Variants in CADPS2 observed in about 807,000 individuals in gnomAD.
The protein encoded by CADPS2 is calcium dependent secretion activator 2.
A neutral mutation model predicts 172.5 loss-of-function variants in CADPS2; 93 were observed. The observed-to-expected ratio is 0.54, with a 90% CI of 0.46 to 0.64. CADPS2 has a LOEUF of 0.64. Ranked by LOEUF, CADPS2 falls within the 30% of genes least tolerant of loss-of-function variation. The pLI is 0.00. For missense variants in CADPS2, 1,420 were observed against 1,565.9 expected (o/e 0.91, Z 1.57); for synonymous variants, 546 against 555.2 (o/e 0.98, Z 0.23).
intron 2 of CADPS2, among the ~76,000 whole-genome samples, chr7:122,717,150 AT>A (rs949548908): frequency 1.2e-4 from 18 of 152,168 alleles, no homozygotes; most frequent in African/African-American, 2.9e-4. Flanking sequence ...CCTACAGCTT[AT>A]TTTCAACATA....
chr7:122,634,437 AG>A (rs1333911307), intron 3 of CADPS2, among the ~76,000 whole-genome samples: 17 of 152,276 alleles, frequency 1.1e-4, no homozygotes, highest in Non-Finnish European at 1.9e-4. Flanking sequence ...CATTTCCTCC[AG>A]ATTTTCTATG....
intron 28 of CADPS2, among the ~76,000 whole-genome samples, chr7:122,328,077 C>T (rs1394273639): frequency 1.3e-5 from 2 of 150,960 alleles, no homozygotes; most frequent in East Asian, 3.9e-4. Context: ...CTAAGAATAG[C>T]CTAACAACAA....
At chr7:122,833,928 T>C (rs1488002803) in intron 1 of CADPS2, among the ~76,000 whole-genome samples, 2 of 152,102 alleles carry the variant, frequency 1.3e-5, no homozygotes, top group Admixed American at 6.5e-5. Flanking sequence ...GCTATAAGAA[T>C]TCAAAAAATA....
intron 11 of CADPS2, among the ~76,000 whole-genome samples, chr7:122,481,282 C>T (rs201237790): frequency 6.6e-6 from 1 of 150,852 alleles, no homozygotes; most frequent in Non-Finnish European, 1.5e-5. Context: ...CAGAGGTCTG[C>T]CCTGATTTAA....
intron 22 of CADPS2, among the ~76,000 whole-genome samples, chr7:122,391,014 G>C (rs1445149258): frequency 6.6e-6 from 1 of 151,832 alleles, no homozygotes; most frequent in Non-Finnish European, 1.5e-5. Flanking sequence ...TGGTAGGCAG[G>C]GATGTATCTT....
At chr7:122,669,759 C>T (rs1400632339) in intron 2 of CADPS2, among the ~76,000 whole-genome samples, 2 of 152,074 alleles carry the variant, frequency 1.3e-5, no homozygotes, top group African/African-American at 4.8e-5. Context: ...AACCATCAAC[C>T]TTTAATCACT....
At chr7:122,709,738 T>C (rs1278931425) in intron 2 of CADPS2, among the ~76,000 whole-genome samples, 2 of 152,062 alleles carry the variant, frequency 1.3e-5, no homozygotes, top group Non-Finnish European at 2.9e-5. Context: ...TAAAAAATGA[T>C]GAGTTCACGT....
intron 9 of CADPS2, among the ~76,000 whole-genome samples, chr7:122,507,794 T>G (rs1413304182): frequency 6.6e-6 from 1 of 152,136 alleles, no homozygotes; most frequent in Admixed American, 6.6e-5. Flanking sequence ...TCAACTAGTA[T>G]GGTGGTGGAG....
chr7:122,627,703 T>C (rs1486673698), intron 4 of CADPS2, among the ~76,000 whole-genome samples: 1 of 152,164 alleles, frequency 6.6e-6, no homozygotes, highest in Admixed American at 6.5e-5. Context: ...CAGTCTCAGG[T>C]ACAATCTATA....
chr7:122,814,720 G>C (rs936946323), intron 1 of CADPS2, among the ~76,000 whole-genome samples: 1 of 151,970 alleles, frequency 6.6e-6, no homozygotes, highest in Non-Finnish European at 1.5e-5. Context: ...TACAAAAAAA[G>C]ATTTGCTAAC....
chr7:122,801,308 T>A (rs1463778744), intron 1 of CADPS2, among the ~76,000 whole-genome samples: 1 of 152,146 alleles, frequency 6.6e-6, no homozygotes, highest in African/African-American at 2.4e-5. Context: ...TACTAATGTT[T>A]ATACCAGATA....
rs1158368955 is a variant in CADPS2, at chr7:122,640,847, T to C, written c.787-11519A>G. On this transcript the variant is annotated intron_variant, in intron 3 of 29. Coordinates refer to ENST00000449022, the MANE Select transcript of CADPS2 (RefSeq NM_017954.11). ...TACTCTGGAGGCTGAGGCAGAAGAA[T>C]GGCGTGAACCCGGGAGGTGGAGTTT... is the stretch of plus-strand genomic sequence containing the variant. 3.3e-5 allele frequency among the ~76,000 whole-genome samples: 5 copies of C among 150,048 alleles called. No individual in the cohort carries two copies. The East Asian group carries it at 9.8e-4, about 30-fold the overall frequency.
chr7:122,374,375 A>AT (rs968859397), intron 25 of CADPS2, among the ~76,000 whole-genome samples: 17 of 152,148 alleles, frequency 1.1e-4, no homozygotes, highest in African/African-American at 3.6e-4. Flanking sequence ...TCTATTCAAC[A>AT]TAGTACTGGG....
intron 1 of CADPS2, among the ~76,000 whole-genome samples, chr7:122,878,974 ACTTGCAAT>A (rs1563237147): frequency 6.6e-6 from 1 of 152,114 alleles, no homozygotes; most frequent in Non-Finnish European, 1.5e-5. Context: ...CTTGACTCAC[ACTTGCAAT>A]CCCAGCTTTT....
intron 2 of CADPS2, among the ~76,000 whole-genome samples, chr7:122,734,685 T>C (rs1035415421): frequency 1.3e-5 from 2 of 151,930 alleles, no homozygotes; most frequent in African/African-American, 4.8e-5. Context: ...GGGAAAAAAA[T>C]TGAGAAGCAA....
At chr7:122,438,600 G>T in intron 16 of CADPS2, 136 bp from the exon 17 acceptor site, 1 of 1,017,842 alleles carries the variant, frequency 9.8e-7, no homozygotes, top group Non-Finnish European at 1.4e-6. Context: ...TTATTAGGGA[G>T]AGGGGTCCTA....
chr7:122,381,135 A>G lies in CADPS2; in HGVS notation c.3313-1693T>C, dbSNP rs959778940. Among the ~76,000 whole-genome samples, 26 of 152,150 alleles carry G rather than the reference A, an allele frequency of 1.7e-4. No individual in the cohort carries two copies. The South Asian group carries it at 4.8e-3, about 28-fold the overall frequency. On this transcript the variant is annotated intron_variant, in intron 24 of 29. Coordinates refer to ENST00000449022, the MANE Select transcript of CADPS2 (RefSeq NM_017954.11). ...GTAATCCCTCCACAGACACACTTAC[A>G]AAAAAGGCCCCCCAGCTCCTGGCTG...
At chr7:122,444,237 T>C (rs1270343785) in intron 15 of CADPS2, among the ~76,000 whole-genome samples, 2 of 152,172 alleles carry the variant, frequency 1.3e-5, no homozygotes, top group African/African-American at 4.8e-5. Context: ...TTGGCTTTCA[T>C]AGTTTGGCTA....
At chr7:122,508,053 A>G (rs1396146622) in intron 9 of CADPS2, among the ~76,000 whole-genome samples, 1 of 152,180 alleles carries the variant, frequency 6.6e-6, no homozygotes, top group Non-Finnish European at 1.5e-5. Flanking sequence ...CAGGCACACT[A>G]CTTGTGTAGA....
Sources: allele counts gnomAD v4.1 joint callset (sites outside exome capture counted in the v4.1 genomes callset), GRCh38; gene constraint gnomAD v4.1.1; transcripts MANE v1.5; gene names NCBI Gene and HGNC (gene_info 2026-07-23, HGNC 2026-07-21).